Variants in LRRTM4 observed in about 807,000 individuals in gnomAD.
LRRTM4 encodes leucine-rich repeat transmembrane neuronal protein 4.
In LRRTM4, 25 loss-of-function variants were observed where a neutral mutation model predicts 47.6. That is an observed-to-expected ratio of 0.53 (90% CI 0.38 to 0.73). The LOEUF (loss-of-function observed/expected upper bound fraction) is 0.73, where lower values mean the gene tolerates loss of function less well. LRRTM4 is among the 30% of genes least tolerant of loss of function. The probability of loss-of-function intolerance (pLI) is 0.00; values close to 1 mark genes in which losing one functional copy is unlikely to be tolerated. For synonymous variants in LRRTM4, 311 were observed against 269.5 expected (o/e 1.15, Z -1.51); for missense variants, 638 against 713.4 (o/e 0.89, Z 1.20).
intron 3 of LRRTM4, among the ~76,000 whole-genome samples, chr2:77,004,547 G>A (rs896363737): frequency 6.6e-6 from 1 of 152,176 alleles, no homozygotes; most frequent in African/African-American, 2.4e-5. Context: ...TACAGTGGTG[G>A]TGCCCTCATG....
intron 3 of LRRTM4, among the ~76,000 whole-genome samples, chr2:77,289,258 G>T (rs1273727440): frequency 1.3e-5 from 2 of 151,658 alleles, no homozygotes; most frequent in Non-Finnish European, 2.9e-5. Flanking sequence ...TCCTAATTTA[G>T]GTACTAATAC....
chr2:77,045,827 A>T (rs906288339), intron 3 of LRRTM4, among the ~76,000 whole-genome samples: 1 of 151,458 alleles, frequency 6.6e-6, no homozygotes, highest in East Asian at 1.9e-4. Context: ...CAAGCACAGC[A>T]TTTTTTTTGC....
Position 77,262,596 on chromosome 2 carries a change from T to C in LRRTM4, c.1551+255722A>G, listed in dbSNP as rs530083128. Among the ~76,000 whole-genome samples the C allele has an allele frequency of 1.4e-4, 21 of 152,154 alleles. No individual in the cohort carries two copies. In the East Asian group the frequency reaches 4.1e-3, roughly 29 times the overall value. The stretch of plus-strand genomic sequence containing the variant: ...GATAGACTGTGAGTCTCTCAGACTT[T>C]ACTTGCCTTTGATGACCTTTACAAT... On this transcript the variant is annotated intron_variant, in intron 3 of 3. Coordinates refer to ENST00000409884, the MANE Select transcript of LRRTM4 (RefSeq NM_001134745.3).
chr2:77,058,484 T>C (rs1679681211), intron 3 of LRRTM4, among the ~76,000 whole-genome samples: 1 of 149,648 alleles, frequency 6.7e-6, no homozygotes. Flanking sequence ...CTCTTTTTCT[T>C]TTTTTCATCT....
At chr2:77,010,088 T>C (rs1677812001) in intron 3 of LRRTM4, among the ~76,000 whole-genome samples, 2 of 152,076 alleles carry the variant, frequency 1.3e-5, no homozygotes, top group Non-Finnish European at 2.9e-5. Context: ...GAATTGTTAA[T>C]TCAAGCTATT....
intron 3 of LRRTM4, among the ~76,000 whole-genome samples, chr2:77,336,773 C>T (rs1046018568): frequency 2.6e-5 from 4 of 152,106 alleles, no homozygotes; most frequent in African/African-American, 9.6e-5. Flanking sequence ...ACTGAATGGG[C>T]AAAAGTTGGA....
intron 3 of LRRTM4, among the ~76,000 whole-genome samples, chr2:76,880,579 G>T (rs1411046662): frequency 6.6e-6 from 1 of 152,174 alleles, no homozygotes; most frequent in South Asian, 2.1e-4. Context: ...TTGTTGAGAT[G>T]ATTTGGAACC....
At chr2:77,062,587 T>C (rs1044941161) in intron 3 of LRRTM4, among the ~76,000 whole-genome samples, 6 of 152,204 alleles carry the variant, frequency 3.9e-5, no homozygotes, top group African/African-American at 9.6e-5. Flanking sequence ...TCAATATGCA[T>C]AGTGATTATA....
intron 3 of LRRTM4, among the ~76,000 whole-genome samples, chr2:77,065,351 CATTAT>C (rs1277608832): frequency 8.5e-5 from 13 of 152,138 alleles, no homozygotes; most frequent in African/African-American, 2.9e-4. Context: ...AGAGAACTCA[CATTAT>C]AATAATGGCA....
intron 3 of LRRTM4, among the ~76,000 whole-genome samples, chr2:77,488,141 G>A (rs913691135): frequency 2.0e-5 from 3 of 152,158 alleles, no homozygotes; most frequent in Non-Finnish European, 2.9e-5. Flanking sequence ...CCCAGACCTA[G>A]GAGCTCCCCA....
chr2:76,764,370 G>A (rs150323795), intron 3 of LRRTM4, among the ~76,000 whole-genome samples: 3 of 152,304 alleles, frequency 2.0e-5, no homozygotes, highest in Non-Finnish European at 2.9e-5. Flanking sequence ...AGTGGCTCAC[G>A]CCTGTAATCC....
chr2:77,034,074 AATT>A (rs1379323087), intron 3 of LRRTM4, among the ~76,000 whole-genome samples: 1 of 151,776 alleles, frequency 6.6e-6, no homozygotes, highest in African/African-American at 2.4e-5. Context: ...TATGGCAAAT[AATT>A]ATATTAATAT....
At chr2:76,937,538 G>C (rs936277072) in intron 3 of LRRTM4, among the ~76,000 whole-genome samples, 3 of 152,180 alleles carry the variant, frequency 2.0e-5, no homozygotes, top group Non-Finnish European at 4.4e-5. Flanking sequence ...CAAGTTGACA[G>C]GTAGATCTTA....
At chr2:77,517,836 A>T in intron 3 of LRRTM4, 1 of 986,098 alleles carries the variant, frequency 1.0e-6, no homozygotes, top group Non-Finnish European at 1.2e-6. Flanking sequence ...TAAAACTAAA[A>T]ATTTACAACA....
chr2:77,153,722 T>A (rs1315913297), intron 3 of LRRTM4, among the ~76,000 whole-genome samples: 2 of 152,152 alleles, frequency 1.3e-5, no homozygotes, highest in East Asian at 3.9e-4. Flanking sequence ...CTTTTAGATT[T>A]TTACCTAGGG....
intron 3 of LRRTM4, among the ~76,000 whole-genome samples, chr2:77,136,677 C>T (rs371993833): frequency 2.6e-4 from 40 of 151,994 alleles, no homozygotes; most frequent in African/African-American, 7.2e-4. Flanking sequence ...CAAATTTCTC[C>T]GAGCTAAAGG....
chr2:77,026,391 T>C (rs1678454774), intron 3 of LRRTM4, among the ~76,000 whole-genome samples: 2 of 152,126 alleles, frequency 1.3e-5, no homozygotes, highest in Non-Finnish European at 2.9e-5. Context: ...ATCAAGTACA[T>C]GCTGCCAGAT....
At chr2:77,199,389 G>C (rs1673914500) in intron 3 of LRRTM4, among the ~76,000 whole-genome samples, 1 of 152,078 alleles carries the variant, frequency 6.6e-6, no homozygotes, top group Non-Finnish European at 1.5e-5. Context: ...ATTGATCTTA[G>C]ATATATTGGC....
At position 76,909,005 on chromosome 2, in the gene LRRTM4, C is replaced by T. The variant is rs1408254752; in HGVS notation, c.1552-160089G>A. Among the ~76,000 whole-genome samples, 6 of 152,124 alleles carry T rather than the reference C, an allele frequency of 3.9e-5. No homozygotes were observed. The East Asian group carries it at 7.7e-4, about 20-fold the overall frequency. Reference sequence around the variant, plus strand: ...TTGGAAAAAACTACTTTAAAGTTCACATGGAAGCAAAAAAGAGCCCTCATC... The same window carrying T: ...TTGGAAAAAACTACTTTAAAGTTCATATGGAAGCAAAAAAGAGCCCTCATC... On this transcript the variant is annotated intron_variant, in intron 3 of 3. Transcript: ENST00000409884.
Sources: allele counts gnomAD v4.1 joint callset (sites outside exome capture counted in the v4.1 genomes callset), GRCh38; gene constraint gnomAD v4.1.1; transcripts MANE v1.5; gene names NCBI Gene and HGNC (gene_info 2026-07-23, HGNC 2026-07-21).